KCNJ6: variants seen among roughly 807,000 people sequenced by gnomAD.
The protein encoded by KCNJ6 is potassium inwardly rectifying channel subfamily J member 6.
In KCNJ6, 9 loss-of-function variants were observed where a neutral mutation model predicts 34.2. That is an observed-to-expected ratio of 0.26 (90% CI 0.16 to 0.46). The LOEUF (loss-of-function observed/expected upper bound fraction) is 0.46. Among genes scored for constraint, KCNJ6 ranks in the 20% least tolerant of loss-of-function variants. The pLI is 1.00. For synonymous variants in KCNJ6, 196 were observed against 207.1 expected, an observed-to-expected ratio of 0.95 and a Z score of 0.46; for missense variants, 236 against 531.3, an observed-to-expected ratio of 0.44 and a Z score of 5.46.
At chr21:37,637,333 C>A (rs1169599867) in intron 3 of KCNJ6, among the ~76,000 whole-genome samples, 1 of 152,138 alleles carries the variant, frequency 6.6e-6, no homozygotes. Flanking sequence ...TCTTCTATTA[C>A]CCAAATATTA....
intron 2 of KCNJ6, among the ~76,000 whole-genome samples, chr21:37,748,180 G>A (rs2054977311): frequency 6.6e-6 from 1 of 152,152 alleles, no homozygotes; most frequent in South Asian, 2.1e-4. Flanking sequence ...GTGGATACGT[G>A]AACACTTCCA....
At chr21:37,705,828 C>T (rs1295761849) in intron 3 of KCNJ6, among the ~76,000 whole-genome samples, 1 of 152,194 alleles carries the variant, frequency 6.6e-6, no homozygotes, top group Non-Finnish European at 1.5e-5. Flanking sequence ...GTCTAGTATG[C>T]TTGGCAGTAT....
At chr21:37,639,206 AC>A (rs942023272) in intron 3 of KCNJ6, among the ~76,000 whole-genome samples, 9 of 152,100 alleles carry the variant, frequency 5.9e-5, no homozygotes, top group African/African-American at 2.2e-4. Context: ...ACTCTATAAA[AC>A]CCACCCTCCT....
intron 3 of KCNJ6, among the ~76,000 whole-genome samples, chr21:37,632,244 T>A (rs202118654): frequency 9.1e-6 from 1 of 110,286 alleles, no homozygotes; most frequent in Non-Finnish European, 2.2e-5. Context: ...AAGATGAACT[T>A]AAAAATTACC....
At chr21:37,821,223 C>A (rs373275433) in intron 2 of KCNJ6, among the ~76,000 whole-genome samples, 1 of 152,118 alleles carries the variant, frequency 6.6e-6, no homozygotes, top group African/African-American at 2.4e-5. Context: ...TTTCACATAA[C>A]AAAAAATTGA....
chr21:37,655,291 C>A (rs2054458688), intron 3 of KCNJ6, among the ~76,000 whole-genome samples: 2 of 135,654 alleles, frequency 1.5e-5, no homozygotes, highest in Admixed American at 7.7e-5. Flanking sequence ...GAGAGTGTAA[C>A]CATGAAGAGG....
intron 2 of KCNJ6, among the ~76,000 whole-genome samples, chr21:37,753,175 G>A (rs1237365720): frequency 6.6e-6 from 1 of 152,206 alleles, no homozygotes; most frequent in Non-Finnish European, 1.5e-5. Context: ...GAGAAAGGCA[G>A]CTCTGGTCTC....
chr21:37,712,993 G>C (rs2054770366), intron 3 of KCNJ6, among the ~76,000 whole-genome samples: 6 of 151,992 alleles, frequency 3.9e-5, no homozygotes, highest in Admixed American at 3.9e-4. Context: ...TCCTACCATT[G>C]AGCTCCATGC....
At chr21:37,894,835 C>A (rs1395137206) in intron 1 of KCNJ6, among the ~76,000 whole-genome samples, 1 of 152,096 alleles carries the variant, frequency 6.6e-6, no homozygotes, top group African/African-American at 2.4e-5. Flanking sequence ...CTTCAAATTT[C>A]TTTTGTTAAT....
chr21:37,647,121 T>G, intron 3 of KCNJ6, among the ~76,000 whole-genome samples: 1 of 152,182 alleles, frequency 6.6e-6, no homozygotes, highest in African/African-American at 2.4e-5. Flanking sequence ...AAGTAATACA[T>G]GAGGATATAG....
At chr21:37,741,715 G>C (rs1324288157) in intron 2 of KCNJ6, among the ~76,000 whole-genome samples, 1 of 152,140 alleles carries the variant, frequency 6.6e-6, no homozygotes, top group Non-Finnish European at 1.5e-5. Context: ...GCAGGGCTCT[G>C]TGCATGGCAC....
At chr21:37,851,612 C>A (rs2055537568) in intron 1 of KCNJ6, among the ~76,000 whole-genome samples, 1 of 152,132 alleles carries the variant, frequency 6.6e-6, no homozygotes, top group Non-Finnish European at 1.5e-5. Flanking sequence ...TGATTCTCAG[C>A]AACAGAGATC....
rs892072516 is a variant in KCNJ6, at chr21:37,613,654, A to G, written c.*11505T>C. On this transcript the variant is annotated 3_prime_UTR_variant, in exon 4 of 4. Coordinates refer to ENST00000609713, the MANE Select transcript of KCNJ6 (RefSeq NM_002240.5). ...TTAAATGCATGTTACTAAGTGAAATAAGCCAATTTTATAAGGCTGCGTACT... is the reference window on the plus strand; with the variant it reads ...TTAAATGCATGTTACTAAGTGAAATGAGCCAATTTTATAAGGCTGCGTACT... The G allele has an allele frequency of 2.0e-5, 3 of 152,264 alleles. No homozygotes were observed. The highest frequency in any genetic ancestry group is 4.4e-5 in the Non-Finnish European group (3 of 68,048). 9.4% of individuals were successfully genotyped at this position (152,264 alleles called of 1,614,324 possible).
intron 2 of KCNJ6, among the ~76,000 whole-genome samples, chr21:37,724,404 A>G (rs2123461493): frequency 6.6e-6 from 1 of 152,330 alleles, no homozygotes; most frequent in Non-Finnish European, 1.5e-5. Flanking sequence ...AAGCGTCTGC[A>G]GTCTGGCTTT....
intron 2 of KCNJ6, among the ~76,000 whole-genome samples, chr21:37,781,564 G>T (rs1257864164): frequency 6.6e-6 from 1 of 152,190 alleles, no homozygotes; most frequent in Non-Finnish European, 1.5e-5. Context: ...TGAGGAACAT[G>T]ATGATAGCAA....
chr21:37,758,150 G>T lies in KCNJ6; in HGVS notation c.26-43019C>A, dbSNP rs565065934. Reference sequence around the variant, plus strand: ...CTTTCCTCTTTGTGCTCCTAGGCATGAATCCTTGAGCGATTAAGACAGTGG... The same window carrying T: ...CTTTCCTCTTTGTGCTCCTAGGCATTAATCCTTGAGCGATTAAGACAGTGG... On this transcript the variant is annotated intron_variant, in intron 2 of 3. Transcript: ENST00000609713. Among the ~76,000 whole-genome samples, 267 of 150,726 alleles carry T rather than the reference G, an allele frequency of 1.8e-3. 4 individuals carry two copies. The highest frequency in any genetic ancestry group is 6.5e-3 in the African/African-American group (260 of 40,122).
intron 3 of KCNJ6, among the ~76,000 whole-genome samples, chr21:37,637,417 G>A (rs1426284916): frequency 6.6e-6 from 1 of 152,144 alleles, no homozygotes; most frequent in Non-Finnish European, 1.5e-5. Context: ...GTCTAAAAAA[G>A]ATCCTACATG....
At chr21:37,897,816 T>C (rs1342068619) in intron 1 of KCNJ6, among the ~76,000 whole-genome samples, 1 of 152,212 alleles carries the variant, frequency 6.6e-6, no homozygotes, top group East Asian at 1.9e-4. Context: ...TTGTATTCTG[T>C]ACCACCTGTT....
Position 37,620,892 on chromosome 21 carries a change from C to T in KCNJ6, c.*4267G>A, listed in dbSNP as rs193141737. On this transcript the variant is annotated 3_prime_UTR_variant, in exon 4 of 4. Coordinates refer to ENST00000609713, the MANE Select transcript of KCNJ6 (RefSeq NM_002240.5). ...ATTTTGACTTCTAGATGACACTCTG[C>T]ATCTAAAGCACTCAAGACATTAAAG... 2 of 152,300 alleles carry T rather than the reference C, an allele frequency of 1.3e-5. No homozygotes were observed. Among genetic ancestry groups the T allele is most frequent in the Non-Finnish European group, 2.9e-5 (2 of 68,028 alleles). The allele number at this position is 152,300 out of a possible 1,614,324, so 9.4% of individuals were successfully genotyped here. A position where few individuals can be genotyped will look rare whatever the true frequency, so the allele number is the denominator to read the frequency against.
Sources: allele counts gnomAD v4.1 joint callset (sites outside exome capture counted in the v4.1 genomes callset), GRCh38; gene constraint gnomAD v4.1.1; transcripts MANE v1.5; gene names NCBI Gene and HGNC (gene_info 2026-07-23, HGNC 2026-07-21).